WNK3: variants seen among roughly 807,000 people sequenced by gnomAD.
WNK3 encodes the protein serine/threonine-protein kinase WNK3.
In WNK3, 18 loss-of-function variants were observed where a neutral mutation model predicts 116.7. That is an observed-to-expected ratio of 0.15 (90% CI 0.11 to 0.23). WNK3 has a LOEUF of 0.23. Among genes scored for constraint, WNK3 ranks in the 10% least tolerant of loss-of-function variants. The pLI is 1.00. For missense variants in WNK3, 993 were observed against 1,323.8 expected (o/e 0.75, Z 3.88); for synonymous variants, 404 against 469.4 (o/e 0.86, Z 1.80).
intron 1 of WNK3, among the ~76,000 whole-genome samples, chrX:54,354,959 C>T (rs1205079907): frequency 9.0e-6 from 1 of 110,573 alleles, no homozygotes; most frequent in Admixed American, 9.7e-5. Context: ...TGCCACGTGC[C>T]TGTAATCCCA....
chrX:54,245,357 C>T lies in WNK3; in HGVS notation c.3651+3340G>A, dbSNP rs182630896. The stretch of plus-strand genomic sequence containing the variant: ...TAAAAATCAGCCAAGCATGGTAGCA[C>T]GCACTTGTAGTCCCAGCTACTTGGG... On this transcript the variant is annotated intron_variant, in intron 17 of 23. Transcript: ENST00000354646. 4.6e-5 allele frequency among the ~76,000 whole-genome samples: 5 copies of T among 109,840 alleles called. No individual in the cohort carries two copies. The East Asian group carries it at 1.1e-3, about 25-fold the overall frequency.
rs369611017 is a variant in WNK3 at position 54,215,337 on chromosome X, C to T, written c.4871-13144G>A. Reference sequence around the variant, plus strand: ...TGCCGAGTGCCTGGGATTGCAGGCGCGCGCCGCCACGCCTGACTGGTTTTC... The same window carrying T: ...TGCCGAGTGCCTGGGATTGCAGGCGTGCGCCGCCACGCCTGACTGGTTTTC... On this transcript the variant is annotated intron_variant, in intron 22 of 23. Transcript: ENST00000354646. 7.2e-5 allele frequency among the ~76,000 whole-genome samples: 8 copies of T among 111,081 alleles called. No homozygotes were observed. The East Asian group carries it at 1.7e-3, about 24-fold the overall frequency.
intron 22 of WNK3, among the ~76,000 whole-genome samples, chrX:54,216,564 G>A (rs928266892): frequency 9.0e-6 from 1 of 111,087 alleles, no homozygotes; most frequent in Non-Finnish European, 1.9e-5. Context: ...ATGACCATAA[G>A]AAACTTTGAA....
chrX:54,225,767 CTGT>C (rs1390011050), intron 22 of WNK3, among the ~76,000 whole-genome samples: 1 of 110,350 alleles, frequency 9.1e-6, no homozygotes, highest in Non-Finnish European at 1.9e-5. Context: ...TAAATTCCAA[CTGT>C]TTTTTTCAGA....
At chrX:54,338,937 G>A (rs1251772241) in intron 1 of WNK3, among the ~76,000 whole-genome samples, 1 of 106,212 alleles carries the variant, frequency 9.4e-6, no homozygotes, top group East Asian at 3.0e-4. Context: ...GGGAGGCAGA[G>A]GCTGCAGTGA....
At chrX:54,294,523 G>A (rs201646757) in intron 8 of WNK3, 30 bp downstream of exon 8, 63 of 1,085,396 alleles carry the variant, frequency 5.8e-5, no homozygotes, top group Non-Finnish European at 7.1e-5. Flanking sequence ...TTGCACATGC[G>A]TTTGCTTTTA....
At chrX:54,243,137 C>T (rs1367802638) in intron 17 of WNK3, among the ~76,000 whole-genome samples, 2 of 108,360 alleles carry the variant, frequency 1.8e-5, no homozygotes, top group East Asian at 3.0e-4. Flanking sequence ...TTCTTACGGC[C>T]GGGCACGGTG....
intron 10 of WNK3, among the ~76,000 whole-genome samples, chrX:54,291,244 C>T (rs1194404417): frequency 9.1e-5 from 10 of 110,415 alleles, no homozygotes; most frequent in African/African-American, 2.6e-4. Flanking sequence ...ACCCGGGAGG[C>T]GGAGGTTGCA....
At chrX:54,215,116 CAA>C (rs60946524) in intron 22 of WNK3, among the ~76,000 whole-genome samples, 857 of 29,378 alleles carry the variant, frequency 0.029, 12 homozygotes, top group African/African-American at 0.091. Context: ...GACTCCATCT[CAA>C]AAAAAAAAAA....
intron 1 of WNK3, among the ~76,000 whole-genome samples, chrX:54,355,229 A>G (rs1002008238): frequency 1.8e-5 from 2 of 111,909 alleles, no homozygotes; most frequent in African/African-American, 6.5e-5. Context: ...TCAACACTAC[A>G]GAAATCTAAC....
intron 1 of WNK3, among the ~76,000 whole-genome samples, chrX:54,350,228 T>C (rs1191673477): frequency 9.0e-6 from 1 of 110,585 alleles, no homozygotes; most frequent in Non-Finnish European, 1.9e-5. Flanking sequence ...GCTAACATGG[T>C]GAAACCCCGT....
In WNK3 at chrX:54,237,327, G is replaced by C. The variant is rs782196544; in HGVS notation, c.4239C>G (p.Pro1413=). ...AAGATAAGAAGTTGTCACCTTGTTT[G>C]GGAACTCCTTTATTTTCTTTACAGG... The change falls in exon 20 of 24, where the codon CCC becomes CCG. Residue 1413 remains proline, a synonymous_variant. Coordinates refer to ENST00000354646, the Ensembl canonical transcript of WNK3. 182 of 1,210,205 alleles carry C rather than the reference G, an allele frequency of 1.5e-4. No individual in the cohort carries two copies. The South Asian group carries it at 2.9e-3, about 19-fold the overall frequency.
intron 13 of WNK3, among the ~76,000 whole-genome samples, chrX:54,251,902 CT>C (rs1246953978): frequency 9.2e-6 from 1 of 108,502 alleles, no homozygotes; most frequent in Non-Finnish European, 1.9e-5. Flanking sequence ...CCTGTCTCTA[CT>C]AAAAATACAA....
chrX:54,263,494 AC>A (rs2068278678), intron 10 of WNK3, among the ~76,000 whole-genome samples: 1 of 111,891 alleles, frequency 8.9e-6, no homozygotes, highest in Non-Finnish European at 1.9e-5. Context: ...ATCTAACACC[AC>A]CCATAGTCTA....
At chrX:54,249,122 G>T (rs2068101992) in exon 17 of WNK3, 1 of 1,211,770 alleles carries the variant, frequency 8.3e-7, no homozygotes, top group Non-Finnish European at 1.1e-6. Flanking sequence ...GTCTGAGTGG[G>T]AATGACTGTC....
intron 17 of WNK3, among the ~76,000 whole-genome samples, chrX:54,243,260 CA>C (rs1454489624): frequency 2.9e-4 from 29 of 99,728 alleles, no homozygotes; most frequent in African/African-American, 2.5e-4. Flanking sequence ...ACTAAAAATA[CA>C]AAAAAAAAAA....
At chrX:54,316,940 G>C (rs1557171117) in intron 2 of WNK3, among the ~76,000 whole-genome samples, 1 of 110,862 alleles carries the variant, frequency 9.0e-6, no homozygotes, top group Non-Finnish European at 1.9e-5. Context: ...CTACTTTTAG[G>C]TATTCTAGGT....
At chrX:54,226,562 C>A (rs2067844377) in intron 22 of WNK3, among the ~76,000 whole-genome samples, 1 of 107,914 alleles carries the variant, frequency 9.3e-6, no homozygotes, top group African/African-American at 3.4e-5. Flanking sequence ...TAGGAATAGG[C>A]CGGGCACGGT....
chrX:54,283,766 CAAAAAAAAA>C (rs782377430), intron 10 of WNK3, among the ~76,000 whole-genome samples: 3 of 24,101 alleles, frequency 1.2e-4, no homozygotes, highest in Non-Finnish European at 2.3e-4. Flanking sequence ...AAGACTGTCT[CAAAAAAAAA>C]AAAAAAAAAA....
Sources: gnomAD v4.1 joint callset for allele counts (sites outside exome capture counted in the v4.1 genomes callset) on GRCh38, gnomAD v4.1.1 for gene constraint, MANE v1.5 for transcripts, NCBI Gene and HGNC (gene_info 2026-07-23, HGNC 2026-07-21) for gene names.